Variants in MRTFB observed in about 807,000 individuals in gnomAD.
MRTFB encodes myocardin-related transcription factor B.
MRTFB carries 29 observed loss-of-function variants against 104.2 expected under a neutral mutation model. The ratio of observed to expected loss-of-function variants is 0.28; its 90% CI spans 0.21 to 0.38. MRTFB has a LOEUF of 0.38. MRTFB is among the 10% of genes least tolerant of loss of function. The pLI is 1.00. For synonymous variants in MRTFB, 535 were observed against 519.5 expected (o/e 1.03, Z -0.41); for missense variants, 1,270 against 1,341.6 (o/e 0.95, Z 0.83).
chr16:14,041,218 C>A, the MRTFB span, among the ~76,000 whole-genome samples: 1 of 151,988 alleles, frequency 6.6e-6, no homozygotes, highest in Non-Finnish European at 1.5e-5. Context: ...TAAAATTTAC[C>A]ATCTTGGCCT....
Position 14,261,724 on chromosome 16 carries a change from T to C in MRTFB, c.*280T>C. 1 of 348,434 alleles carries C rather than the reference T, an allele frequency of 2.9e-6. No individual in the cohort carries two copies. Among genetic ancestry groups the C allele is most frequent in the Non-Finnish European group, 5.2e-6 (1 of 193,314 alleles). 21.6% of individuals were successfully genotyped at this position (348,434 alleles called of 1,614,324 possible). On this transcript the variant is annotated 3_prime_UTR_variant, in exon 17 of 17. Transcript: ENST00000571589. ...CCAGACTTCAGTAAAGAATGAAAAGTACCTTTAGATAAAAACAAAGAAGAG... is the reference window on the plus strand; with the variant it reads ...CCAGACTTCAGTAAAGAATGAAAAGCACCTTTAGATAAAAACAAAGAAGAG...
chr16:14,021,084 G>C, the MRTFB span: 3 of 152,248 alleles, frequency 2.0e-5, no homozygotes, highest in African/African-American at 7.2e-5. Context: ...TTCACTTGTA[G>C]TGCAGTGGCA....
chr16:14,062,631 C>T, the MRTFB span, among the ~76,000 whole-genome samples: 4 of 152,170 alleles, frequency 2.6e-5, no homozygotes, highest in Non-Finnish European at 5.9e-5. Flanking sequence ...GGTCGACGTC[C>T]TTGGATGGAA....
At chr16:14,108,782 T>C (rs892888747) in intron 2 of MRTFB, among the ~76,000 whole-genome samples, 1 of 152,234 alleles carries the variant, frequency 6.6e-6, no homozygotes, top group Non-Finnish European at 1.5e-5. Context: ...TGTGTTCATA[T>C]GTTTTAATCA....
intron 2 of MRTFB, among the ~76,000 whole-genome samples, chr16:14,084,909 A>G (rs531809237): frequency 4.6e-5 from 7 of 152,360 alleles, no homozygotes; most frequent in Admixed American, 3.3e-4. Context: ...ATTAACTATC[A>G]GGAGCTATTT....
At chr16:14,158,353 G>C (rs1057244756) in intron 3 of MRTFB, among the ~76,000 whole-genome samples, 1 of 152,214 alleles carries the variant, frequency 6.6e-6, no homozygotes, top group African/African-American at 2.4e-5. Flanking sequence ...CCAGTAGTGA[G>C]AGGATGTCTT....
At chr16:14,059,370 T>C in the MRTFB span, among the ~76,000 whole-genome samples, 1 of 152,260 alleles carries the variant, frequency 6.6e-6, no homozygotes, top group East Asian at 1.9e-4. Flanking sequence ...AACCTCTCCC[T>C]GCCCCCTCTC....
At chr16:14,144,373 A>G (rs1417628116) in intron 3 of MRTFB, 6 of 152,240 alleles carry the variant, frequency 3.9e-5, no homozygotes, top group African/African-American at 1.4e-4. Context: ...ATTCCAAGGC[A>G]TAAAAGGCAT....
rs763372328 is a variant in MRTFB at position 14,265,508 on chromosome 16, G to C, written c.*4064G>C. ...AAAACTGGAAAACAACTAAGATGTA[G>C]TAATTTTTTTTTCCTGGTTCAAACC... is the stretch of plus-strand genomic sequence containing the variant. On this transcript the variant is annotated 3_prime_UTR_variant, in exon 17 of 17. Coordinates refer to ENST00000571589, the MANE Select transcript of MRTFB (RefSeq NM_001308142.2). 6.6e-6 allele frequency: 1 copy of C among 152,194 alleles called. No individual in the cohort carries two copies. Among genetic ancestry groups the C allele is most frequent in the African/African-American group, 2.4e-5 (1 of 41,442 alleles). 9.4% of individuals were successfully genotyped at this position (152,194 alleles called of 1,614,324 possible).
At chr16:14,118,403 A>G (rs995623327) in intron 2 of MRTFB, among the ~76,000 whole-genome samples, 3 of 151,108 alleles carry the variant, frequency 2.0e-5, no homozygotes, top group African/African-American at 7.3e-5. Flanking sequence ...CGGCCTCCCA[A>G]AGTGCTGGAA....
At chr16:14,013,911 G>T in the MRTFB span, among the ~76,000 whole-genome samples, 1 of 152,190 alleles carries the variant, frequency 6.6e-6, no homozygotes, top group Non-Finnish European at 1.5e-5. Flanking sequence ...CCTCCAGCAT[G>T]TGAAGTCCAC....
At chr16:14,119,667 A>G (rs932493489) in intron 2 of MRTFB, among the ~76,000 whole-genome samples, 2 of 152,158 alleles carry the variant, frequency 1.3e-5, no homozygotes, top group African/African-American at 4.8e-5. Flanking sequence ...TTTTTTGCTT[A>G]TAGGAGAAAA....
At chr16:14,011,777 C>T in the MRTFB span, among the ~76,000 whole-genome samples, 1 of 152,118 alleles carries the variant, frequency 6.6e-6, no homozygotes, top group Non-Finnish European at 1.5e-5. Context: ...GAGGCTGAAG[C>T]AGAAGAATCA....
intron 9 of MRTFB, among the ~76,000 whole-genome samples, chr16:14,236,477 TAAA>T (rs1567201226): frequency 9.2e-5 from 14 of 152,100 alleles, no homozygotes; most frequent in Non-Finnish European, 1.8e-4. Flanking sequence ...ACCCTTAGGG[TAAA>T]CAGACAACCA....
At chr16:14,118,968 A>G (rs1302867045) in intron 2 of MRTFB, among the ~76,000 whole-genome samples, 1 of 152,134 alleles carries the variant, frequency 6.6e-6, no homozygotes, top group African/African-American at 2.4e-5. Context: ...ACTACACTAC[A>G]GTTTATCCAT....
At chr16:14,111,954 C>G (rs757797920) in intron 2 of MRTFB, among the ~76,000 whole-genome samples, 2 of 152,154 alleles carry the variant, frequency 1.3e-5, no homozygotes, top group African/African-American at 4.8e-5. Flanking sequence ...TCTGAGCTCC[C>G]GTCCAGGGCG....
the MRTFB span, among the ~76,000 whole-genome samples, chr16:13,996,681 A>G: frequency 6.6e-6 from 1 of 152,308 alleles, no homozygotes; most frequent in African/African-American, 2.4e-5. Context: ...CAAATGATGG[A>G]GAGCTCGTGA....
the MRTFB span, among the ~76,000 whole-genome samples, chr16:14,062,392 C>A: frequency 2.1e-4 from 32 of 152,208 alleles, no homozygotes; most frequent in African/African-American, 7.5e-4. Context: ...AGCCACCCAC[C>A]CAGCCTCCAG....
upstream of MRTFB, among the ~76,000 whole-genome samples, chr16:14,068,229 C>T (rs2033542157): frequency 6.6e-6 from 1 of 152,190 alleles, no homozygotes; most frequent in Non-Finnish European, 1.5e-5. Context: ...ACAAAGAATC[C>T]ACCCATGGTA....
Sources: gnomAD v4.1 joint callset for allele counts (sites outside exome capture counted in the v4.1 genomes callset) on GRCh38, gnomAD v4.1.1 for gene constraint, MANE v1.5 for transcripts, NCBI Gene and HGNC (gene_info 2026-07-23, HGNC 2026-07-21) for gene names.